Variants in UBE3B observed in about 807,000 individuals in gnomAD.
The protein encoded by UBE3B is ubiquitin-protein ligase E3B.
Under a neutral mutation model 132.3 loss-of-function variants are expected in UBE3B, and 80 were observed. The observed-to-expected ratio is 0.60, with a 90% CI of 0.50 to 0.73. The LOEUF is 0.73. Among genes scored for constraint, UBE3B ranks in the 30% least tolerant of loss-of-function variants. The pLI is 0.00. For synonymous variants in UBE3B, 487 were observed against 520.4 expected, an observed-to-expected ratio of 0.94 and a Z score of 0.87; for missense variants, 1,196 against 1,362.5, an observed-to-expected ratio of 0.88 and a Z score of 1.92.
At chr12:109,482,833 A>G (rs1375039567) in intron 2 of UBE3B, among the ~76,000 whole-genome samples, 1 of 152,256 alleles carries the variant, frequency 6.6e-6, no homozygotes, top group Non-Finnish European at 1.5e-5. Flanking sequence ...GTTCTACAGT[A>G]AAGTCTTCAC....
chr12:109,506,672 A>G (rs1342554836), intron 14 of UBE3B, among the ~76,000 whole-genome samples: 1 of 152,126 alleles, frequency 6.6e-6, no homozygotes, highest in African/African-American at 2.4e-5. Flanking sequence ...TTCTTTACAC[A>G]TTGTCTGTGG....
chr12:109,504,044 A>C (rs1879340836), intron 14 of UBE3B, among the ~76,000 whole-genome samples: 1 of 152,166 alleles, frequency 6.6e-6, no homozygotes. Flanking sequence ...TAGTGGGGAG[A>C]CTGAAAATAA....
chr12:109,523,845 G>A (rs536742081), intron 21 of UBE3B, 133 bp from the exon 22 acceptor site: 51 of 1,310,740 alleles, frequency 3.9e-5, no homozygotes, highest in South Asian at 1.6e-4. Context: ...ACTGCCCTCC[G>A]GATTGGAAAC....
intron 9 of UBE3B, among the ~76,000 whole-genome samples, chr12:109,497,156 A>G (rs1878305689): frequency 6.6e-6 from 1 of 152,098 alleles, no homozygotes; most frequent in South Asian, 2.1e-4. Context: ...GAAAACCTAG[A>G]TAAAGCAGAA....
Position 109,516,795 on chromosome 12 carries a change from A to C in UBE3B, c.1987A>C (p.Lys663Gln). ...RVLLFRTMVT[K>Q]EKEKLGLVET... ...TCTACTGTTTCGAACCATGGTTACC[A>C]AGGAGAAGGAGAAACTGGGGCTGGT... The change falls in exon 19 of 28, where the codon AAG becomes CAG. Residue 663 changes from lysine to glutamine, a missense_variant. Transcript: ENST00000342494. The C allele has an allele frequency of 6.2e-7, 1 of 1,614,068 alleles. No individual in the cohort carries two copies. Among genetic ancestry groups the C allele is most frequent in the Non-Finnish European group, 8.5e-7 (1 of 1,179,998 alleles).
intron 26 of UBE3B, 29 bp from the exon 27 acceptor site, chr12:109,533,437 G>T (rs183496572): frequency 6.2e-7 from 1 of 1,600,686 alleles, no homozygotes; most frequent in Non-Finnish European, 8.6e-7. Context: ...AGCCTGCCCC[G>T]TCCCCACTGA....
intron 8 of UBE3B, 134 bp downstream of exon 8, chr12:109,490,138 G>A (rs768107553): frequency 4.2e-6 from 4 of 950,542 alleles, no homozygotes; most frequent in Admixed American, 3.9e-5. Flanking sequence ...GATGCCTGCT[G>A]TCCTCTTCTT....
At chr12:109,525,917 C>T (rs1276931193) in intron 23 of UBE3B, among the ~76,000 whole-genome samples, 1 of 152,188 alleles carries the variant, frequency 6.6e-6, no homozygotes, top group African/African-American at 2.4e-5. Flanking sequence ...AGACTCTTTC[C>T]CGAGTCTCCC....
intron 24 of UBE3B, among the ~76,000 whole-genome samples, chr12:109,527,417 A>G (rs1449278338): frequency 2.0e-5 from 3 of 152,124 alleles, no homozygotes. Context: ...TTGAACTGTT[A>G]ATTGGAGCAT....
intron 17 of UBE3B, 83 bp from the exon 18 acceptor site, chr12:109,511,121 C>A: frequency 8.1e-7 from 1 of 1,241,196 alleles, no homozygotes; most frequent in Non-Finnish European, 1.2e-6. Context: ...TGCATGTGGC[C>A]CACATGGTGT....
chr12:109,482,805 C>T (rs544419885), intron 2 of UBE3B, among the ~76,000 whole-genome samples: 4 of 152,276 alleles, frequency 2.6e-5, no homozygotes, highest in African/African-American at 4.8e-5. Flanking sequence ...GAAAAGCACC[C>T]GTTAGTGGAC....
At chr12:109,480,177 C>T (rs936886817) in intron 1 of UBE3B, among the ~76,000 whole-genome samples, 10 of 151,572 alleles carry the variant, frequency 6.6e-5, no homozygotes, top group Admixed American at 6.6e-5. Flanking sequence ...AGGTGGGAGC[C>T]TCTGCTGAAG....
Position 109,534,205 on chromosome 12 carries a change from T to A in UBE3B, c.3016-386T>A. ...ATGCTTAAGGGAAAGTTGGCCCAAG[T>A]CATGGTCTGCCACCGGCCACAGCAC... On this transcript the variant is annotated intron_variant, in intron 27 of 27. Transcript: ENST00000342494. The surrounding 1 kb of genome is among the most constrained non-coding windows in gnomAD (Gnocchi z 5.2). 1 of 1,237,988 alleles carries A rather than the reference T, an allele frequency of 8.1e-7. No homozygotes were observed. Among genetic ancestry groups the A allele is most frequent in the South Asian group, 1.5e-5 (1 of 66,702 alleles). 76.7% of individuals were successfully genotyped at this position (1,237,988 alleles called of 1,614,324 possible).
intron 19 of UBE3B, among the ~76,000 whole-genome samples, chr12:109,517,177 G>A (rs1592947356): frequency 6.6e-6 from 1 of 152,164 alleles, no homozygotes; most frequent in East Asian, 1.9e-4. Context: ...GAGGACAGGA[G>A]CTGCCAGTCA....
intron 18 of UBE3B, among the ~76,000 whole-genome samples, chr12:109,513,916 A>G (rs959478569): frequency 2.0e-5 from 3 of 152,110 alleles, no homozygotes; most frequent in Non-Finnish European, 2.9e-5. Context: ...CCTTAGTGGC[A>G]TGTGTGCTGC....
chr12:109,523,054 C>T (rs1358045120), intron 21 of UBE3B, among the ~76,000 whole-genome samples: 2 of 152,212 alleles, frequency 1.3e-5, no homozygotes, highest in East Asian at 1.9e-4. Flanking sequence ...CCCTCCCTCA[C>T]CTCTGACAGT....
chr12:109,479,826 A>G (rs1192059937), intron 1 of UBE3B, among the ~76,000 whole-genome samples: 1 of 152,162 alleles, frequency 6.6e-6, no homozygotes, highest in Non-Finnish European at 1.5e-5. Context: ...AAGTTTTAAG[A>G]TCGTCTTACA....
Position 109,529,122 on chromosome 12 carries a change from C to G in UBE3B, c.2628-768C>G, listed in dbSNP as rs1053582743. Among the ~76,000 whole-genome samples, 3 of 152,150 alleles carry G rather than the reference C, an allele frequency of 2.0e-5. No individual in the cohort carries two copies. In the East Asian group the frequency reaches 5.8e-4, roughly 29 times the overall value. ...GTCGCAGTGAGCTGAGATCGCACCA[C>G]TGCACTCCAGCCTGGGTGACGGAGT... On this transcript the variant is annotated intron_variant, in intron 24 of 27. Transcript: ENST00000342494.
intron 15 of UBE3B, 77 bp downstream of exon 15, chr12:109,507,812 A>G: frequency 1.3e-6 from 2 of 1,487,614 alleles, no homozygotes; most frequent in Non-Finnish European, 1.8e-6. Flanking sequence ...TAAGGAAGTA[A>G]TTGCTAATGT....
Sources: gnomAD v4.1 joint callset for allele counts (sites outside exome capture counted in the v4.1 genomes callset) on GRCh38, gnomAD v4.1.1 for gene constraint, Gnocchi (gnomAD v3.1) non-coding constraint, MANE v1.5 for transcripts, NCBI Gene and HGNC (gene_info 2026-07-23, HGNC 2026-07-21) for gene names.